DMD: variants seen among roughly 807,000 people sequenced by gnomAD.
DMD encodes the protein mutant dystrophin.
In DMD, 63 loss-of-function variants were observed where a neutral mutation model predicts 330.1. The ratio of observed to expected loss-of-function variants is 0.19; its 90% CI spans 0.16 to 0.24. DMD has a LOEUF of 0.24. Ranked by LOEUF, DMD falls within the 10% of genes least tolerant of loss-of-function variation. DMD has a pLI of 1.00. For missense variants in DMD, 3,344 were observed against 2,684.1 expected (o/e 1.25, Z -5.43); for synonymous variants, 1,223 against 959.8 (o/e 1.27, Z -5.07).
At chrX:31,202,284 T>C (rs760323040) in intron 67 of DMD, among the ~76,000 whole-genome samples, 2 of 112,445 alleles carry the variant, frequency 1.8e-5, no homozygotes, top group Non-Finnish European at 3.8e-5. Context: ...AAAATCAAAA[T>C]GAACCTAGAT....
Position 32,774,420 on chromosome X carries a change from AT to A in DMD, c.649+35072del, listed in dbSNP as rs993303489. On this transcript the variant is annotated intron_variant, in intron 7 of 78. Coordinates refer to ENST00000357033, the MANE Select transcript of DMD (RefSeq NM_004006.3). ...GGTAGTTCTATCACTTAGTATACTT[AT>A]GTATTAGTCCATTTTCACACTGCCA... 1.5e-4 allele frequency among the ~76,000 whole-genome samples: 17 copies of A among 111,645 alleles called. No homozygotes were observed. The Admixed American group carries it at 1.6e-3, about 11-fold the overall frequency.
chrX:32,594,669 A>C (rs1299420494), intron 13 of DMD, among the ~76,000 whole-genome samples: 4 of 111,450 alleles, frequency 3.6e-5, no homozygotes, highest in Non-Finnish European at 7.5e-5. Flanking sequence ...TTATGTTTTT[A>C]TACTTTATCA....
intron 33 of DMD, 115 bp from the exon 34 acceptor site, chrX:32,380,795 C>T (rs181261560): frequency 6.8e-5 from 40 of 586,716 alleles, no homozygotes; most frequent in East Asian, 3.3e-4. Flanking sequence ...TTTTCTTACA[C>T]GTTTTAAAAT....
intron 49 of DMD, among the ~76,000 whole-genome samples, chrX:31,822,481 G>A (rs2092782755): frequency 8.9e-6 from 1 of 111,745 alleles, no homozygotes; most frequent in Non-Finnish European, 1.9e-5. Flanking sequence ...TAAAACCACA[G>A]AGTAGATGGA....
chrX:33,295,388 A>G (rs1295136170), intron 1 of DMD, among the ~76,000 whole-genome samples: 1 of 110,810 alleles, frequency 9.0e-6, no homozygotes, highest in Non-Finnish European at 1.9e-5. Flanking sequence ...AGCAAACACT[A>G]AGAATCATAG....
At chrX:32,452,971 AT>A (rs1159557831) in intron 26 of DMD, among the ~76,000 whole-genome samples, 2 of 110,702 alleles carry the variant, frequency 1.8e-5, no homozygotes, top group Non-Finnish European at 3.8e-5. Flanking sequence ...TTCCATAAAG[AT>A]TTTTTTAAGT....
chrX:32,402,326 A>G (rs943169940), intron 30 of DMD, among the ~76,000 whole-genome samples: 1 of 111,732 alleles, frequency 8.9e-6, no homozygotes, highest in African/African-American at 3.2e-5. Flanking sequence ...ATAGGGTTTT[A>G]AAAACAACTT....
chrX:31,968,327 C>G lies in DMD; in HGVS notation c.6614+12G>C, dbSNP rs764071085. The G allele has an allele frequency of 7.4e-6, 9 of 1,209,422 alleles. No individual in the cohort carries two copies. Among genetic ancestry groups the G allele is most frequent in the Non-Finnish European group, 1.0e-5 (9 of 893,668 alleles). ...TAAAATGTTTTCATTCCTATTAGAT[C>G]TGTCGCCCTACCTCTTTTTTCTGTC... On this transcript the variant is annotated intron_variant, in intron 45 of 78. Transcript: ENST00000357033.
rs200118113 is a variant in DMD, at chrX:32,954,028, CATT to C, written c.93+66108_93+66110del. On this transcript the variant is annotated intron_variant, in intron 2 of 78. Transcript: ENST00000357033. ...GTTAATATGTCTACCTACATATCAT[CATT>C]GTTTCATTTTATTATTTGCTAACTG... Among the ~76,000 whole-genome samples the C allele has an allele frequency of 4.0e-3, 448 of 111,954 alleles. 11 individuals are homozygous for C. The East Asian group carries it at 0.074, about 18-fold the overall frequency.
intron 43 of DMD, among the ~76,000 whole-genome samples, chrX:32,231,428 C>T (rs867185579): frequency 3.6e-5 from 4 of 111,512 alleles, no homozygotes; most frequent in South Asian, 3.8e-4. Flanking sequence ...TAGGCTGCTG[C>T]GGCAAATCAA....
At chrX:33,024,718 C>T (rs1248363164) in intron 1 of DMD, among the ~76,000 whole-genome samples, 1 of 111,453 alleles carries the variant, frequency 9.0e-6, no homozygotes. Context: ...ATTCTTGATT[C>T]ACAAGAGCAA....
chrX:33,029,541 A>G (rs2147835496), intron 1 of DMD, among the ~76,000 whole-genome samples: 1 of 111,824 alleles, frequency 8.9e-6, no homozygotes, highest in South Asian at 3.7e-4. Flanking sequence ...CTCAGAAACC[A>G]GATTGGAAAG....
intron 44 of DMD, among the ~76,000 whole-genome samples, chrX:31,986,690 G>C (rs751884828): frequency 8.9e-6 from 1 of 112,082 alleles, no homozygotes; most frequent in South Asian, 3.7e-4. Flanking sequence ...GATTACAGGC[G>C]TGAGCCACTG....
Position 31,507,413 on chromosome X carries a change from T to C in DMD, c.8258A>G (p.His2753Arg), listed in dbSNP as rs1569547997. ...TTTTTGGCTGTTTTCATCCAGGTTG[T>C]GATAAACATCTGTGTGAGCTTCAAT... is the stretch of plus-strand genomic sequence containing the variant. ...GEIEAHTDVY[H>R]NLDENSQKIL... Residue 2753 changes from histidine (H) to arginine (R), a missense_variant, in exon 56 of 79, where the codon CAC becomes CGC. By Grantham distance (29) the His-to-Arg change is conservative. Transcript: ENST00000357033. 1 of 1,210,681 alleles carries C rather than the reference T, an allele frequency of 8.3e-7. No individual in the cohort carries two copies. The highest frequency in any genetic ancestry group is 1.8e-5 in the South Asian group (1 of 56,759).
At chrX:31,191,510 G>A (rs902409093) in intron 67 of DMD, among the ~76,000 whole-genome samples, 3 of 110,260 alleles carry the variant, frequency 2.7e-5, no homozygotes, top group African/African-American at 6.6e-5. Flanking sequence ...ACTTATGGGG[G>A]TTGGTCTTTC....
intron 3 of DMD, among the ~76,000 whole-genome samples, chrX:32,845,669 G>C (rs1358009173): frequency 9.0e-6 from 1 of 111,371 alleles, no homozygotes; most frequent in Admixed American, 9.6e-5. Flanking sequence ...CACTTGCAAA[G>C]TTCTCACCTA....
chrX:31,729,818 T>C lies in DMD; in HGVS notation c.7543-70A>G. 5.6e-6 allele frequency: 5 copies of C among 886,358 alleles called. No individual in the cohort carries two copies. The South Asian group carries it at 1.0e-4, about 18-fold the overall frequency. The allele number at this position is 886,358 out of a possible 1,213,427, so 73.0% of individuals were successfully genotyped here. On this transcript the variant is annotated intron_variant, in intron 51 of 78. Coordinates refer to ENST00000357033, the MANE Select transcript of DMD (RefSeq NM_004006.3). ...TGTATTCCTTTTACATAATACAAAG[T>C]AAAGTACAATTGTGAGACCAGCCAA...
intron 55 of DMD, among the ~76,000 whole-genome samples, chrX:31,520,658 T>C (rs1484245481): frequency 9.0e-6 from 1 of 111,275 alleles, no homozygotes; most frequent in Non-Finnish European, 1.9e-5. Context: ...TTTGTGTCCT[T>C]GTGCCATGAT....
chrX:32,499,783 G>T (rs987601661), intron 19 of DMD, among the ~76,000 whole-genome samples: 3 of 111,060 alleles, frequency 2.7e-5, no homozygotes, highest in Non-Finnish European at 5.7e-5. Context: ...ATTTAGGGTA[G>T]CAGTCCCTCT....
Sources: allele counts gnomAD v4.1 joint callset (sites outside exome capture counted in the v4.1 genomes callset), GRCh38; gene constraint gnomAD v4.1.1; transcripts MANE v1.5; gene names NCBI Gene and HGNC (gene_info 2026-07-23, HGNC 2026-07-21).